SAXO1: variants seen among roughly 807,000 people sequenced by gnomAD.
SAXO1 encodes the protein stabilizer of axonemal microtubules 1.
In SAXO1, 21 loss-of-function variants were observed where a neutral mutation model predicts 17.5. That is an observed-to-expected ratio of 1.20 (90% CI 0.85 to 1.72). The LOEUF (loss-of-function observed/expected upper bound fraction) is 1.72. Among genes scored for constraint, SAXO1 ranks in the 40% most tolerant of loss-of-function variants. The pLI, the probability that SAXO1 is intolerant of heterozygous loss-of-function variation, is 0.00. For synonymous variants in SAXO1, 274 were observed against 216.5 expected (o/e 1.27, Z -2.33); for missense variants, 843 against 596.0 (o/e 1.41, Z -4.32).
At chr9:19,041,290 A>T (rs9298795) in intron 1 of SAXO1, among the ~76,000 whole-genome samples, 74,451 of 151,818 alleles carry the variant, frequency 0.49, 20,057 homozygotes, top group African/African-American at 0.73. Flanking sequence ...TGAAAGAAAC[A>T]GAAGAGGACA....
At chr9:18,955,391 T>TCAGAC (rs1351980353) in intron 1 of SAXO1, among the ~76,000 whole-genome samples, 1 of 152,232 alleles carries the variant, frequency 6.6e-6, no homozygotes, top group Non-Finnish European at 1.5e-5. Context: ...TTCCTTCAGT[T>TCAGAC]CAGACCAGAC....
rs548319610 is a variant in SAXO1, at chr9:19,002,774, C to G, written c.38+30097G>C. Among the ~76,000 whole-genome samples the G allele has an allele frequency of 3.1e-4, 47 of 152,270 alleles. 1 individual carries two copies. The South Asian group carries it at 9.3e-3, about 30-fold the overall frequency. ...TAGTAAGAGCTATTTATGACAAACC[C>G]ACAGCCAATATCATACTAACTGGGC... On this transcript the variant is annotated intron_variant, in intron 1 of 3. Coordinates refer to ENST00000380534, the MANE Select transcript of SAXO1 (RefSeq NM_153707.4).
Position 18,950,301 on chromosome 9 carries a change from T to G in SAXO1, c.218+457A>C, listed in dbSNP as rs569462659. On this transcript the variant is annotated intron_variant, in intron 2 of 3. Coordinates refer to ENST00000380534, the MANE Select transcript of SAXO1 (RefSeq NM_153707.4). ...AATTCAAAATTTACAGCAGCATAAT[T>G]TTAAGGGGAGAAAAAAAAGCTCATT... 3.3e-5 allele frequency among the ~76,000 whole-genome samples: 5 copies of G among 151,890 alleles called. No homozygotes were observed. In the East Asian group the frequency reaches 9.7e-4, roughly 29 times the overall value.
chr9:18,993,423 G>A (rs556027418), intron 1 of SAXO1, among the ~76,000 whole-genome samples: 1 of 152,236 alleles, frequency 6.6e-6, no homozygotes, highest in East Asian at 1.9e-4. Context: ...CGCTAATCCT[G>A]CAGAAGCTAC....
At position 18,928,592 on chromosome 9, in the gene SAXO1, G is replaced by T; in HGVS notation, c.885C>A (p.Val295=). The change falls in exon 4 of 4, where the codon GTC becomes GTA. Residue 295 remains valine (V), a synonymous_variant. Transcript: ENST00000380534. ...GAAGATCCATCCTGTCTTCGGGAGG[G>T]ACGTAGGTGATGGGAGCTTTGGAGA... ...RMFSKAPITY[V]PPEDRMDLLT... 1.2e-6 allele frequency: 2 copies of T among 1,614,188 alleles called. No homozygotes were observed. Among genetic ancestry groups the T allele is most frequent in the Non-Finnish European group, 1.7e-6 (2 of 1,180,034 alleles).
chr9:18,937,529 A>G (rs1831354068), intron 3 of SAXO1, among the ~76,000 whole-genome samples: 1 of 152,352 alleles, frequency 6.6e-6, no homozygotes, highest in East Asian at 1.9e-4. Flanking sequence ...AGTATTTGCT[A>G]TAGTCTGAAT....
chr9:18,968,338 C>A (rs1832810930), intron 1 of SAXO1, among the ~76,000 whole-genome samples: 1 of 152,120 alleles, frequency 6.6e-6, no homozygotes, highest in South Asian at 2.1e-4. Flanking sequence ...AGCCACAGCA[C>A]CCAGCCAGAA....
chr9:19,013,583 G>T (rs1834846020), intron 1 of SAXO1, among the ~76,000 whole-genome samples: 1 of 117,090 alleles, frequency 8.5e-6, no homozygotes, highest in Admixed American at 1.2e-4. Flanking sequence ...GTCTGGCTCT[G>T]TCACCCAGGC....
chr9:18,993,471 C>T (rs1716880197), intron 1 of SAXO1, among the ~76,000 whole-genome samples: 1 of 152,226 alleles, frequency 6.6e-6, no homozygotes, highest in Admixed American at 6.5e-5. Context: ...GTCAGCTTTC[C>T]TTCTTATGGC....
At chr9:18,972,928 C>A (rs1039195637) in intron 1 of SAXO1, among the ~76,000 whole-genome samples, 19 of 152,142 alleles carry the variant, frequency 1.2e-4, no homozygotes, top group Non-Finnish European at 2.5e-4. Context: ...TGGCAACAGC[C>A]TCCGGTACTC....
In SAXO1 at chr9:19,024,925, T is replaced by C. The variant is rs117096298; in HGVS notation, c.38+7946A>G. 7.5e-3 allele frequency among the ~76,000 whole-genome samples: 1,150 copies of C among 152,336 alleles called. 10 individuals carry two copies. The highest frequency in any genetic ancestry group is 0.011 in the Non-Finnish European group (774 of 68,030). ...CACTACAGAACAGAATCAGAACATG[T>C]TACTCTGAACGGATCCATCTGCAGA... is the stretch of plus-strand genomic sequence containing the variant. On this transcript the variant is annotated intron_variant, in intron 1 of 3. Transcript: ENST00000380534.
intron 1 of SAXO1, among the ~76,000 whole-genome samples, chr9:18,967,411 G>C (rs1048786648): frequency 2.0e-5 from 3 of 152,170 alleles, no homozygotes; most frequent in Non-Finnish European, 4.4e-5. Context: ...ACCCCTGACT[G>C]GGGCTGTTGC....
rs1832938663 is a variant in SAXO1 at position 18,971,399 on chromosome 9, T to C, written c.39-20462A>G. Among the ~76,000 whole-genome samples the C allele has an allele frequency of 5.3e-5, 8 of 152,162 alleles. No individual in the cohort carries two copies. In the South Asian group the frequency reaches 1.7e-3, roughly 32 times the overall value. On this transcript the variant is annotated intron_variant, in intron 1 of 3. Coordinates refer to ENST00000380534, the MANE Select transcript of SAXO1 (RefSeq NM_153707.4). Reference sequence around the variant, plus strand: ...TATCAGGGCTAATCTATATTTTCTGTCTCTACGGAGCTTTTCAAAATAGGA... The same window carrying C: ...TATCAGGGCTAATCTATATTTTCTGCCTCTACGGAGCTTTTCAAAATAGGA...
At position 19,033,116 on chromosome 9, in the gene SAXO1, G is replaced by T; in HGVS notation, c.-208C>A. ...CTGGCCTAGCGCGAGGTAGCAGCAG[G>T]GGGCTTGCACGCGCGCCAGCCCGGG... On this transcript the variant is annotated 5_prime_UTR_variant, in exon 1 of 4. Transcript: ENST00000380534. The T allele has an allele frequency of 2.0e-6, 1 of 511,576 alleles. No homozygotes were observed. Among genetic ancestry groups the T allele is most frequent in the East Asian group, 3.3e-5 (1 of 30,394 alleles). 31.7% of individuals were successfully genotyped at this position (511,576 alleles called of 1,614,324 possible).
chr9:19,027,832 C>A, intron 1 of SAXO1: 1 of 1,452,922 alleles, frequency 6.9e-7, no homozygotes, highest in Non-Finnish European at 9.5e-7. Context: ...CAGTCACAAA[C>A]CGGGTGGACA....
Position 18,929,023 on chromosome 9 carries a change from C to A in SAXO1, c.454G>T (p.Glu152Ter). Residue 152 changes from glutamate (E) to a stop codon, truncating the protein, a stop_gained, in exon 4 of 4, where the codon GAG (glutamate) becomes TAG (stop). Coordinates refer to ENST00000380534, the MANE Select transcript of SAXO1 (RefSeq NM_153707.4). LOFTEE classifies it low-confidence loss of function (END_TRUNC). ...TATTTGTGTTCCAGACGAAGTGGCT[C>A]TCGCCTTGGTTGGTTCCAAGGCAAA... ...DYLPWNQPRR[E>*]PLRLEHKYQP... is the part of the protein sequence containing the mutation. 6.2e-7 allele frequency: 1 copy of A among 1,614,162 alleles called. No individual in the cohort carries two copies. Among genetic ancestry groups the A allele is most frequent in the Non-Finnish European group, 8.5e-7 (1 of 1,180,042 alleles).
At chr9:19,026,878 A>C in intron 1 of SAXO1, 1 of 700,746 alleles carries the variant, frequency 1.4e-6, no homozygotes, top group Non-Finnish European at 2.7e-6. Context: ...AAAATTCAAA[A>C]ACTAGAAAAG....
chr9:18,934,239 T>C (rs954985496), intron 3 of SAXO1, among the ~76,000 whole-genome samples: 3 of 152,230 alleles, frequency 2.0e-5, no homozygotes, highest in Non-Finnish European at 4.4e-5. Context: ...TTCATAAAAT[T>C]TGGCAACTTT....
At chr9:18,995,153 C>T (rs996134061) in intron 1 of SAXO1, among the ~76,000 whole-genome samples, 5 of 152,142 alleles carry the variant, frequency 3.3e-5, no homozygotes, top group East Asian at 1.9e-4. Context: ...TTTCTCCCCC[C>T]AAAAATACCT....
Sources: gnomAD v4.1 joint callset for allele counts (sites outside exome capture counted in the v4.1 genomes callset) on GRCh38, gnomAD v4.1.1 for gene constraint, MANE v1.5 for transcripts, NCBI Gene and HGNC (gene_info 2026-07-23, HGNC 2026-07-21) for gene names.